Variants in GALNT1 observed in about 807,000 individuals in gnomAD.
GALNT1 encodes the protein polypeptide N-acetylgalactosaminyltransferase 1, also known as GalNAc transferase 1.
In GALNT1, 17 loss-of-function variants were observed where a neutral mutation model predicts 65.7. The observed-to-expected ratio is 0.26, with a 90% CI of 0.18 to 0.39. The LOEUF is 0.39. Among genes scored for constraint, GALNT1 ranks in the 10% least tolerant of loss-of-function variants. The probability of loss-of-function intolerance (pLI) is 1.00; values close to 1 mark genes in which losing one functional copy is unlikely to be tolerated. For synonymous variants in GALNT1, 210 were observed against 219.7 expected (o/e 0.96, Z 0.39); for missense variants, 460 against 672.8 (o/e 0.68, Z 3.50).
In GALNT1 at chr18:35,709,644, G is replaced by A; in HGVS notation, c.1554G>A (p.Val518=). The change falls in exon 12 of 12, where the codon GTG becomes GTA. Residue 518 remains valine (V), a synonymous_variant. Coordinates refer to ENST00000269195, the MANE Select transcript of GALNT1 (RefSeq NM_020474.4). ...YDPVKLTLQH[V]NSNQCLDKAT... ...TTCAGAAATTAACCCTGCAGCATGTGAACAGTAATCAGTGCCTGGATAAAG... is the reference window on the plus strand; with the variant it reads ...TTCAGAAATTAACCCTGCAGCATGTAAACAGTAATCAGTGCCTGGATAAAG... The A allele has an allele frequency of 6.2e-7, 1 of 1,614,042 alleles. No homozygotes were observed. The highest frequency in any genetic ancestry group is 8.5e-7 in the Non-Finnish European group (1 of 1,179,972).
At chr18:35,621,531 T>TA (rs1309393852) in intron 1 of GALNT1, among the ~76,000 whole-genome samples, 3,161 of 132,626 alleles carry the variant, frequency 0.024, 74 homozygotes, top group African/African-American at 0.041. Flanking sequence ...TAATACATTC[T>TA]GATACTAATC....
At chr18:35,656,961 A>T (rs1253156276) in intron 2 of GALNT1, among the ~76,000 whole-genome samples, 1 of 152,216 alleles carries the variant, frequency 6.6e-6, no homozygotes, top group Non-Finnish European at 1.5e-5. Context: ...GTAGGGAATA[A>T]GAGAAAGAGA....
At chr18:35,706,040 G>C (rs1343978316) in intron 11 of GALNT1, among the ~76,000 whole-genome samples, 2 of 152,310 alleles carry the variant, frequency 1.3e-5, no homozygotes, top group Non-Finnish European at 1.5e-5. Context: ...GTGACCCCCA[G>C]CTGCAAAGGA....
intron 1 of GALNT1, among the ~76,000 whole-genome samples, chr18:35,593,546 C>CT (rs1225352852): frequency 6.6e-6 from 1 of 151,882 alleles, no homozygotes; most frequent in East Asian, 1.9e-4. Context: ...ATGAGAGTCA[C>CT]TGAGGGGTGA....
At chr18:35,694,220 A>G (rs906682121) in intron 9 of GALNT1, among the ~76,000 whole-genome samples, 3 of 152,330 alleles carry the variant, frequency 2.0e-5, no homozygotes, top group African/African-American at 7.2e-5. Context: ...AATGTGTACA[A>G]GTCTTGCAAG....
At chr18:35,687,390 T>C (rs2047885030) in intron 6 of GALNT1, among the ~76,000 whole-genome samples, 1 of 152,246 alleles carries the variant, frequency 6.6e-6, no homozygotes, top group Non-Finnish European at 1.5e-5. Flanking sequence ...TTGCTTATTC[T>C]ATAAATCTAG....
intron 1 of GALNT1, among the ~76,000 whole-genome samples, chr18:35,629,191 C>A (rs2046967664): frequency 6.6e-6 from 1 of 152,164 alleles, no homozygotes; most frequent in African/African-American, 2.4e-5. Flanking sequence ...GGCAGGCCAA[C>A]ATTCAGATTC....
Position 35,689,123 on chromosome 18 carries a change from A to ATTGAT in GALNT1, c.861-48_861-44dup, listed in dbSNP as rs1426025695. On this transcript the variant is annotated intron_variant, in intron 6 of 11. Coordinates refer to ENST00000269195, the MANE Select transcript of GALNT1 (RefSeq NM_020474.4). The stretch of plus-strand genomic sequence containing the variant: ...AAACAGCTTTTAAAAACAAAAACTG[A>ATTGAT]TTGATTGTAAATTTTAAATTGCTAA... 17 of 1,200,318 alleles carry ATTGAT rather than the reference A, an allele frequency of 1.4e-5. No individual in the cohort carries two copies. In the Admixed American group the frequency reaches 2.5e-4, roughly 17 times the overall value. The allele number at this position is 1,200,318 out of a possible 1,614,324, so 74.4% of individuals were successfully genotyped here.
chr18:35,649,591 T>C (rs933374649), intron 1 of GALNT1, among the ~76,000 whole-genome samples: 1 of 152,198 alleles, frequency 6.6e-6, no homozygotes, highest in African/African-American at 2.4e-5. Flanking sequence ...ATGGTGTCTT[T>C]TGAAGATTAG....
chr18:35,703,957 T>C (rs1227616799), intron 11 of GALNT1, among the ~76,000 whole-genome samples: 1 of 152,210 alleles, frequency 6.6e-6, no homozygotes, highest in East Asian at 1.9e-4. Flanking sequence ...AAAGTAGGCT[T>C]TTAAAATTAC....
intron 3 of GALNT1, among the ~76,000 whole-genome samples, chr18:35,669,636 T>C (rs1318693677): frequency 6.6e-6 from 1 of 152,226 alleles, no homozygotes; most frequent in Non-Finnish European, 1.5e-5. Flanking sequence ...GTCACTGTCA[T>C]GATAAAACCC....
chr18:35,652,157 A>G (rs908712815), intron 1 of GALNT1, among the ~76,000 whole-genome samples: 1 of 152,194 alleles, frequency 6.6e-6, no homozygotes, highest in African/African-American at 2.4e-5. Context: ...ACATTTTCTA[A>G]GAGTTTTCTC....
chr18:35,646,332 T>C (rs2047230763), intron 1 of GALNT1, among the ~76,000 whole-genome samples: 1 of 152,138 alleles, frequency 6.6e-6, no homozygotes, highest in Non-Finnish European at 1.5e-5. Flanking sequence ...ACATGAGATT[T>C]GGGTGGGGAC....
Position 35,691,140 on chromosome 18 carries a change from T to TG in GALNT1, c.1108dup (p.Ala370GlyfsTer7). ...TTATCAATAAAAATAACAGACGACT[T>TG]GCAGAAGTGTGGATGGATGAATTCA... On this transcript the variant is annotated frameshift_variant, in exon 8 of 12. Transcript: ENST00000269195. LOFTEE classifies it high-confidence loss of function. 1 of 1,612,340 alleles carries TG rather than the reference T, an allele frequency of 6.2e-7. No individual in the cohort carries two copies. Among genetic ancestry groups the TG allele is most frequent in the Non-Finnish European group, 8.5e-7 (1 of 1,179,320 alleles).
At chr18:35,660,237 G>T (rs565823) in intron 2 of GALNT1, among the ~76,000 whole-genome samples, 1 of 151,692 alleles carries the variant, frequency 6.6e-6, no homozygotes, top group Non-Finnish European at 1.5e-5. Flanking sequence ...TATAACTTTA[G>T]TCTACTTTCC....
intron 4 of GALNT1, among the ~76,000 whole-genome samples, chr18:35,680,280 C>T (rs997385573): frequency 6.6e-6 from 1 of 152,200 alleles, no homozygotes; most frequent in Non-Finnish European, 1.5e-5. Flanking sequence ...ATTGAATCAT[C>T]CATCAGAGTT....
chr18:35,617,741 T>G (rs528987879), intron 1 of GALNT1, among the ~76,000 whole-genome samples: 1 of 152,332 alleles, frequency 6.6e-6, no homozygotes, highest in East Asian at 1.9e-4. Flanking sequence ...CAGTGATTGC[T>G]TAGTAGCATC....
chr18:35,697,846 G>A (rs1338204703), intron 9 of GALNT1, among the ~76,000 whole-genome samples: 3 of 152,208 alleles, frequency 2.0e-5, no homozygotes, highest in Non-Finnish European at 4.4e-5. Context: ...GTTTTGGCTT[G>A]ATTCAGTGGC....
chr18:35,588,410 G>A (rs2046402750), intron 1 of GALNT1, among the ~76,000 whole-genome samples: 2 of 152,254 alleles, frequency 1.3e-5, no homozygotes, highest in Non-Finnish European at 1.5e-5. Context: ...ACATTTCGGT[G>A]TGGATTCCTT....
Sources: allele counts gnomAD v4.1 joint callset (sites outside exome capture counted in the v4.1 genomes callset), GRCh38; gene constraint gnomAD v4.1.1; transcripts MANE v1.5; gene names NCBI Gene and HGNC (gene_info 2026-07-23, HGNC 2026-07-21).